The following MMADHC variants were observed in gnomAD, a reference collection of about 807,000 sequenced individuals.
MMADHC encodes the protein metabolism of cobalamin associated D, also known as cobalamin trafficking protein CblD.
A neutral mutation model predicts 36.3 loss-of-function variants in MMADHC; 23 were observed. The ratio of observed to expected loss-of-function variants is 0.63; its 90% CI spans 0.46 to 0.90. The LOEUF (loss-of-function observed/expected upper bound fraction) is 0.90. Among genes scored for constraint, MMADHC ranks in the 40% least tolerant of loss-of-function variants. MMADHC has a pLI of 0.00. For synonymous variants in MMADHC, 97 were observed against 116.1 expected, an observed-to-expected ratio of 0.84 and a Z score of 1.06; for missense variants, 330 against 348.0, an observed-to-expected ratio of 0.95 and a Z score of 0.41.
At chr2:149,583,267 T>G (rs1177452192) in intron 2 of MMADHC, among the ~76,000 whole-genome samples, 2 of 152,188 alleles carry the variant, frequency 1.3e-5, no homozygotes, top group African/African-American at 4.8e-5. Context: ...ATAAATTTCA[T>G]GGAGGATATA....
intron 6 of MMADHC, among the ~76,000 whole-genome samples, chr2:149,573,922 A>G (rs1682679599): frequency 3.3e-5 from 5 of 152,208 alleles, no homozygotes. Context: ...GTTCACCAAC[A>G]CTGACATCTG....
intron 7 of MMADHC, among the ~76,000 whole-genome samples, 177 bp downstream of exon 7, chr2:149,570,906 CTG>C (rs1682629020): frequency 6.6e-6 from 1 of 152,170 alleles, no homozygotes; most frequent in African/African-American, 2.4e-5. Context: ...AGAAACTTAA[CTG>C]TGAGTGATAG....
chr2:149,578,847 G>A (rs1484074151), intron 4 of MMADHC, among the ~76,000 whole-genome samples: 1 of 151,130 alleles, frequency 6.6e-6, no homozygotes, highest in Non-Finnish European at 1.5e-5. Flanking sequence ...GGGTTTGACA[G>A]AAACCCTGAA....
intron 2 of MMADHC, among the ~76,000 whole-genome samples, chr2:149,583,444 TA>T (rs925589186): frequency 7.2e-5 from 11 of 152,188 alleles, no homozygotes; most frequent in Non-Finnish European, 1.6e-4. Flanking sequence ...TGGGCAACTA[TA>T]AAAGACTGTA....
At chr2:149,584,685 A>AT (rs1200046977) in intron 2 of MMADHC, among the ~76,000 whole-genome samples, 2 of 152,186 alleles carry the variant, frequency 1.3e-5, no homozygotes, top group Non-Finnish European at 2.9e-5. Flanking sequence ...CAGTATCTAA[A>AT]TTGCCCACTG....
At chr2:149,574,840 G>A (rs6724414) in intron 6 of MMADHC, among the ~76,000 whole-genome samples, 98,535 of 152,092 alleles carry the variant, frequency 0.65, 35,631 homozygotes, top group East Asian at 0.86. Flanking sequence ...TCACTTTGTC[G>A]CTCAGGCTGA....
At chr2:149,576,746 T>C (rs1219417920) in intron 4 of MMADHC, among the ~76,000 whole-genome samples, 3 of 152,196 alleles carry the variant, frequency 2.0e-5, no homozygotes, top group African/African-American at 7.2e-5. Context: ...GTTCAAAAAA[T>C]GTGAATACAG....
chr2:149,571,154 C>G lies in MMADHC; in HGVS notation c.627G>C (p.Lys209Asn). 6.2e-7 allele frequency: 1 copy of G among 1,609,266 alleles called. No individual in the cohort carries two copies. Among genetic ancestry groups the G allele is most frequent in the Non-Finnish European group, 8.5e-7 (1 of 1,177,040 alleles). ...CAGCTCGAAGAGCATAGCAAATTTC[C>G]TTAGCACCATTGATGAACTGCAATG... ...VLLEKFINGA[K>N]EICYALRAEG... Residue 209 changes from lysine (K) to asparagine (N), a missense_variant, in exon 7 of 8, where the codon AAG becomes AAC. Physicochemically the swap from Lys to Asn is moderately conservative, Grantham distance 94. Transcript: ENST00000303319.
At position 149,586,833 on chromosome 2, in the gene MMADHC, TA is replaced by T. The variant is rs142269975; in HGVS notation, c.9+255del. The T allele has an allele frequency of 0.086, 41,891 of 489,774 alleles. 2,233 individuals carry two copies. Among genetic ancestry groups the T allele is most frequent in the South Asian group, 0.13 (3,977 of 30,874 alleles). 30.3% of individuals were successfully genotyped at this position (489,774 alleles called of 1,614,324 possible). A position where few individuals can be genotyped will look rare whatever the true frequency, so the allele number is the denominator to read the frequency against. ...CTAATATTTACTGAAACGCTGTATTTAAAAAATACCGAAAGGGTGCTTGAAT... is the reference window on the plus strand; with the variant it reads ...CTAATATTTACTGAAACGCTGTATTTAAAAATACCGAAAGGGTGCTTGAAT... On this transcript the variant is annotated intron_variant, in intron 2 of 7. Coordinates refer to ENST00000303319, the MANE Select transcript of MMADHC (RefSeq NM_015702.3).
At chr2:149,587,173 G>C in intron 1 of MMADHC, 24 bp from the exon 2 acceptor site, 1 of 1,429,470 alleles carries the variant, frequency 7.0e-7, no homozygotes, top group African/African-American at 1.4e-5. Context: ...CAACAAAACA[G>C]ACGAGTGATC....
intron 6 of MMADHC, chr2:149,572,310 G>T: frequency 3.6e-6 from 1 of 281,628 alleles, no homozygotes; most frequent in Non-Finnish European, 6.9e-6. Flanking sequence ...CAGCACTCCG[G>T]CCTGGGCGAG....
chr2:149,580,802 T>G (rs1389352588), intron 3 of MMADHC, among the ~76,000 whole-genome samples: 1 of 152,028 alleles, frequency 6.6e-6, no homozygotes, highest in Non-Finnish European at 1.5e-5. Context: ...ACATAAACAC[T>G]CTAGTCCAGT....
chr2:149,586,882 T>C lies in MMADHC; in HGVS notation c.9+207A>G, dbSNP rs1034860622. 4 of 592,986 alleles carry C rather than the reference T, an allele frequency of 6.7e-6. No individual in the cohort carries two copies. The African/African-American group carries it at 7.5e-5, about 11-fold the overall frequency. 36.7% of individuals were successfully genotyped at this position (592,986 alleles called of 1,614,324 possible). On this transcript the variant is annotated intron_variant, in intron 2 of 7. Coordinates refer to ENST00000303319, the MANE Select transcript of MMADHC (RefSeq NM_015702.3). ...AATTTCCACATCTGTACAAATGAAA[T>C]TGTATAAATAAGTGTATTTGCAGTG...
At chr2:149,582,322 C>G (rs748110099) in intron 2 of MMADHC, 51 bp from the exon 3 acceptor site, 4 of 1,580,796 alleles carry the variant, frequency 2.5e-6, no homozygotes, top group South Asian at 1.1e-5. Flanking sequence ...AAATGTTATA[C>G]TTACATAGAC....
At chr2:149,587,447 G>C (rs1682890544) in intron 1 of MMADHC, 1 of 386,462 alleles carries the variant, frequency 2.6e-6, no homozygotes, top group Middle Eastern at 7.6e-4. Flanking sequence ...GGATCGAAGC[G>C]GCTGCTTTAA....
chr2:149,580,248 C>T (rs1347035748), intron 3 of MMADHC, among the ~76,000 whole-genome samples: 2 of 152,066 alleles, frequency 1.3e-5, no homozygotes, highest in Non-Finnish European at 2.9e-5. Flanking sequence ...AGTCATGAGC[C>T]ACTGTGCCAG....
At chr2:149,583,884 C>T (rs1406968983) in intron 2 of MMADHC, among the ~76,000 whole-genome samples, 1 of 152,108 alleles carries the variant, frequency 6.6e-6, no homozygotes, top group Non-Finnish European at 1.5e-5. Context: ...ATTCTTTATA[C>T]TGCCATAAGA....
chr2:149,574,506 C>G (rs1682686622), intron 6 of MMADHC, among the ~76,000 whole-genome samples: 1 of 152,120 alleles, frequency 6.6e-6, no homozygotes, highest in African/African-American at 2.4e-5. Context: ...ACAGGAATCA[C>G]TAAAGGGATT....
At chr2:149,585,907 T>A (rs757261969) in intron 2 of MMADHC, among the ~76,000 whole-genome samples, 27 of 152,214 alleles carry the variant, frequency 1.8e-4, no homozygotes, top group Admixed American at 1.3e-4. Flanking sequence ...ACTATTATAA[T>A]TTATTCATTT....
Sources: gnomAD v4.1 joint callset for allele counts (sites outside exome capture counted in the v4.1 genomes callset) on GRCh38, gnomAD v4.1.1 for gene constraint, MANE v1.5 for transcripts, NCBI Gene and HGNC (gene_info 2026-07-23, HGNC 2026-07-21) for gene names.